Variants in HDAC9 observed in about 807,000 individuals in gnomAD.
HDAC9 encodes the protein MEF-2 interacting transcription repressor (MITR) protein.
Under a neutral mutation model 139.4 loss-of-function variants are expected in HDAC9, and 41 were observed. The observed-to-expected ratio is 0.29, with a 90% CI of 0.23 to 0.38. The LOEUF is 0.38. Among genes scored for constraint, HDAC9 ranks in the 10% least tolerant of loss-of-function variants. The pLI is 1.00. For missense variants in HDAC9, 1,147 were observed against 1,297.0 expected, an observed-to-expected ratio of 0.88 and a Z score of 1.78; for synonymous variants, 517 against 476.2, an observed-to-expected ratio of 1.09 and a Z score of -1.12.
At chr7:18,703,037 CAA>C (rs1365980290) in intron 12 of HDAC9, among the ~76,000 whole-genome samples, 2 of 151,950 alleles carry the variant, frequency 1.3e-5, no homozygotes, top group African/African-American at 4.8e-5. Flanking sequence ...TATAAGGAAT[CAA>C]GAGAATATTA....
At chr7:18,331,913 T>C (rs1432689184) in intron 1 of HDAC9, among the ~76,000 whole-genome samples, 2 of 151,386 alleles carry the variant, frequency 1.3e-5, no homozygotes, top group Non-Finnish European at 3.0e-5. Context: ...AGTGGCACAG[T>C]GGTGATCACA....
intron 12 of HDAC9, among the ~76,000 whole-genome samples, chr7:18,716,006 G>A (rs1023951714): frequency 6.6e-6 from 1 of 152,152 alleles, no homozygotes; most frequent in African/African-American, 2.4e-5. Context: ...AATGATTTAT[G>A]TTACTTGTCA....
At chr7:18,342,762 A>G (rs981198287) in intron 1 of HDAC9, among the ~76,000 whole-genome samples, 6 of 152,010 alleles carry the variant, frequency 3.9e-5, no homozygotes, top group Admixed American at 3.3e-4. Flanking sequence ...TACAAATCAC[A>G]TGAAACAGTC....
rs575034658 is a variant in HDAC9, at chr7:18,730,172, G to C, written c.1909+2415G>C. Among the ~76,000 whole-genome samples the C allele has an allele frequency of 2.0e-5, 3 of 152,186 alleles. No homozygotes were observed. The South Asian group carries it at 6.2e-4, about 32-fold the overall frequency. On this transcript the variant is annotated intron_variant, in intron 13 of 25. Transcript: ENST00000686413. ...TTGGGATTAAAATATATATATACTT[G>C]ATATGTAACATTCATTTAGTACTAT...
intron 13 of HDAC9, 48 bp downstream of exon 13, chr7:18,727,805 T>A: frequency 7.4e-7 from 1 of 1,352,588 alleles, no homozygotes. Flanking sequence ...AAATGCCCCG[T>A]TCTTGTAGGA....
intron 11 of HDAC9, among the ~76,000 whole-genome samples, chr7:18,662,422 T>C (rs1356042349): frequency 2.0e-5 from 3 of 151,600 alleles, no homozygotes; most frequent in Admixed American, 2.0e-4. Context: ...GGGGAGGAGG[T>C]CAAGGAAAGT....
chr7:18,549,010 C>G (rs189415246), intron 2 of HDAC9, among the ~76,000 whole-genome samples: 1 of 152,052 alleles, frequency 6.6e-6, no homozygotes. Context: ...GAGGCCAAGG[C>G]GGGAGGATCG....
chr7:18,422,344 A>C (rs1254665625), intron 1 of HDAC9, among the ~76,000 whole-genome samples: 1 of 152,220 alleles, frequency 6.6e-6, no homozygotes, highest in African/African-American at 2.4e-5. Context: ...AAAGGAGAAG[A>C]TATTGGCAAC....
intron 21 of HDAC9, among the ~76,000 whole-genome samples, chr7:18,859,302 AT>A (rs1185429380): frequency 6.6e-6 from 1 of 152,136 alleles, no homozygotes; most frequent in South Asian, 2.1e-4. Flanking sequence ...AACATAAACT[AT>A]TTTTTTAGTT....
chr7:18,543,463 C>G (rs1813677424), intron 2 of HDAC9: 1 of 152,308 alleles, frequency 6.6e-6, no homozygotes, highest in Admixed American at 6.5e-5. Context: ...CTTTTCCCTT[C>G]TCAAAACCAA....
At chr7:18,532,651 G>A (rs1208718986) in intron 2 of HDAC9, among the ~76,000 whole-genome samples, 3 of 152,020 alleles carry the variant, frequency 2.0e-5, no homozygotes, top group South Asian at 2.1e-4. Flanking sequence ...TTATCAAAAC[G>A]TTATATATTG....
intron 2 of HDAC9, among the ~76,000 whole-genome samples, chr7:18,513,184 A>G (rs551569978): frequency 1.3e-5 from 2 of 152,338 alleles, no homozygotes; most frequent in African/African-American, 2.4e-5. Flanking sequence ...TATGTATTGT[A>G]TCATGCATGT....
intron 22 of HDAC9, among the ~76,000 whole-genome samples, chr7:18,898,400 T>A (rs894734382): frequency 6.6e-6 from 1 of 151,908 alleles, no homozygotes; most frequent in Non-Finnish European, 1.5e-5. Context: ...TACATAAATA[T>A]TTTAAAAATT....
intron 6 of HDAC9, among the ~76,000 whole-genome samples, chr7:18,597,259 A>G (rs565709651): frequency 7.1e-4 from 108 of 152,306 alleles, no homozygotes; most frequent in African/African-American, 2.0e-3. Context: ...AAGGCTTTAC[A>G]TAACTTATTT....
chr7:18,489,041 CAATG>C (rs1350601981), intron 1 of HDAC9, among the ~76,000 whole-genome samples: 1 of 151,690 alleles, frequency 6.6e-6, no homozygotes, highest in Non-Finnish European at 1.5e-5. Context: ...AAATGAATAA[CAATG>C]AAATATTAGA....
chr7:18,798,312 A>G (rs568234718), intron 17 of HDAC9, among the ~76,000 whole-genome samples: 4 of 152,322 alleles, frequency 2.6e-5, no homozygotes, highest in Non-Finnish European at 4.4e-5. Flanking sequence ...AACAGGCAAA[A>G]TGTGTCAGGA....
intron 12 of HDAC9, among the ~76,000 whole-genome samples, chr7:18,704,960 T>A (rs542962276): frequency 3.3e-5 from 5 of 152,344 alleles, no homozygotes; most frequent in Admixed American, 3.3e-4. Context: ...CAGTACTGTC[T>A]AATGGAAATA....
chr7:18,594,831 T>C (rs1011734400), intron 6 of HDAC9, among the ~76,000 whole-genome samples: 2 of 152,086 alleles, frequency 1.3e-5, no homozygotes, highest in African/African-American at 4.8e-5. Context: ...TTAGAGACAG[T>C]AGTAAATTTA....
chr7:18,554,062 C>T (rs1243083108), intron 2 of HDAC9, among the ~76,000 whole-genome samples: 1 of 151,988 alleles, frequency 6.6e-6, no homozygotes, highest in Non-Finnish European at 1.5e-5. Context: ...TTAGTAGCAC[C>T]GTTAGTTACT....
Sources: gnomAD v4.1 joint callset for allele counts (sites outside exome capture counted in the v4.1 genomes callset) on GRCh38, gnomAD v4.1.1 for gene constraint, MANE v1.5 for transcripts, NCBI Gene and HGNC (gene_info 2026-07-23, HGNC 2026-07-21) for gene names.